Variants in SMOC2 observed in about 807,000 individuals in gnomAD.
SMOC2 encodes SPARC-related modular calcium-binding protein 2.
A neutral mutation model predicts 61.4 loss-of-function variants in SMOC2; 39 were observed. That is an observed-to-expected ratio of 0.64 (90% CI 0.49 to 0.83). SMOC2 has a LOEUF of 0.83. Among genes scored for constraint, SMOC2 ranks in the 40% least tolerant of loss-of-function variants. The pLI, the probability that SMOC2 is intolerant of heterozygous loss-of-function variation, is 0.00. For missense variants in SMOC2, 556 were observed against 592.9 expected, an observed-to-expected ratio of 0.94 and a Z score of 0.65; for synonymous variants, 247 against 239.9, an observed-to-expected ratio of 1.03 and a Z score of -0.27.
intron 1 of SMOC2, among the ~76,000 whole-genome samples, chr6:168,460,740 A>G (rs1168658966): frequency 6.6e-6 from 1 of 152,202 alleles, no homozygotes; most frequent in Admixed American, 6.5e-5. Context: ...CTCTGTATCA[A>G]CCCTCAAAGT....
At chr6:168,603,678 T>C (rs1785613542) in intron 8 of SMOC2, among the ~76,000 whole-genome samples, 1 of 149,630 alleles carries the variant, frequency 6.7e-6, no homozygotes, top group Non-Finnish European at 1.5e-5. Context: ...CAGACATGGG[T>C]AAACATGTGG....
At chr6:168,569,767 G>A (rs1394511839) in intron 7 of SMOC2, among the ~76,000 whole-genome samples, 1 of 152,172 alleles carries the variant, frequency 6.6e-6, no homozygotes, top group Non-Finnish European at 1.5e-5. Flanking sequence ...TTTTTCAGAT[G>A]TGTGTTCTGT....
chr6:168,566,482 T>C (rs1281445237), intron 7 of SMOC2, among the ~76,000 whole-genome samples: 6 of 110,586 alleles, frequency 5.4e-5, no homozygotes, highest in Non-Finnish European at 1.1e-4. Flanking sequence ...AGCACTTCTT[T>C]TTTTTTTTTT....
At chr6:168,624,008 G>A (rs1007338813) in intron 9 of SMOC2, among the ~76,000 whole-genome samples, 1 of 152,190 alleles carries the variant, frequency 6.6e-6, no homozygotes, top group African/African-American at 2.4e-5. Context: ...TGCAGCTCAG[G>A]GGCGCTCACC....
intron 4 of SMOC2, among the ~76,000 whole-genome samples, chr6:168,540,552 G>GGGCACGGAGCTAGGAGGGAGGGCCA (rs373886864): frequency 0.025 from 3,867 of 152,170 alleles, 158 homozygotes; most frequent in African/African-American, 0.088. Context: ...GCCTGGCCAG[G>GGGCACGGAGCTAGGAGGGAGGGCCA]GGCACGGAGC....
intron 11 of SMOC2, among the ~76,000 whole-genome samples, chr6:168,659,614 TAGGCTGAGTGAGGGTGG>T (rs1787433559): frequency 2.0e-5 from 3 of 150,298 alleles, no homozygotes; most frequent in African/African-American, 7.4e-5. Flanking sequence ...GTGGAGGTTG[TAGGCTGAGTGAGGGTGG>T]AGGTTGTAGG....
chr6:168,562,859 C>T (rs770794882), intron 7 of SMOC2, among the ~76,000 whole-genome samples: 8 of 152,152 alleles, frequency 5.3e-5, no homozygotes, highest in South Asian at 2.1e-4. Context: ...CGTATTTTCA[C>T]GGATGACAGT....
intron 11 of SMOC2, among the ~76,000 whole-genome samples, chr6:168,656,431 C>A (rs1805291): frequency 7.1e-6 from 1 of 140,348 alleles, no homozygotes; most frequent in Non-Finnish European, 1.5e-5. Context: ...TTGCTTGAAT[C>A]TGGGAGGCAG....
chr6:168,632,275 A>G (rs1441417917), intron 9 of SMOC2, among the ~76,000 whole-genome samples: 1 of 152,184 alleles, frequency 6.6e-6, no homozygotes, highest in Non-Finnish European at 1.5e-5. Flanking sequence ...CCTTAATTAG[A>G]TCACTTTGGC....
At chr6:168,615,141 CAG>C (rs1185909068) in intron 9 of SMOC2, among the ~76,000 whole-genome samples, 2 of 17,328 alleles carry the variant, frequency 1.2e-4, no homozygotes. Context: ...ACAGCCAGCA[CAG>C]GGGGCCTCTT....
intron 1 of SMOC2, among the ~76,000 whole-genome samples, chr6:168,466,862 G>A (rs189894890): frequency 5.3e-5 from 8 of 152,304 alleles, no homozygotes; most frequent in African/African-American, 1.2e-4. Flanking sequence ...TGAATAGCCC[G>A]GTGGGGCGGT....
chr6:168,509,797 T>G (rs1191381674), intron 1 of SMOC2, 118 bp from the exon 2 acceptor site: 1 of 915,070 alleles, frequency 1.1e-6, no homozygotes, highest in Non-Finnish European at 1.6e-6. Flanking sequence ...AACCGGGTGG[T>G]GTTATCCCTC....
intron 9 of SMOC2, among the ~76,000 whole-genome samples, chr6:168,619,673 C>G (rs569779634): frequency 6.6e-6 from 1 of 152,350 alleles, no homozygotes; most frequent in South Asian, 2.1e-4. Context: ...GCAAGTCTCA[C>G]TTACTTCCCG....
intron 10 of SMOC2, among the ~76,000 whole-genome samples, chr6:168,651,896 T>C (rs73244542): frequency 0.014 from 2,194 of 151,764 alleles, 30 homozygotes; most frequent in Middle Eastern, 0.038. Context: ...CAAAACTTAA[T>C]CCAGCATGGT....
At chr6:168,664,139 C>T (rs749757416) in intron 12 of SMOC2, 28 bp downstream of exon 12, 1 of 1,568,310 alleles carries the variant, frequency 6.4e-7, no homozygotes, top group East Asian at 2.2e-5. Context: ...TTACTCTTAA[C>T]CATTTCGTTT....
chr6:168,637,441 G>A (rs1308610148), intron 9 of SMOC2, among the ~76,000 whole-genome samples: 2 of 152,220 alleles, frequency 1.3e-5, no homozygotes, highest in Non-Finnish European at 2.9e-5. Flanking sequence ...CAAGGAGGTT[G>A]TTTCATTTAA....
chr6:168,518,482 CAT>C (rs902918835), intron 2 of SMOC2, among the ~76,000 whole-genome samples: 94 of 118,682 alleles, frequency 7.9e-4, no homozygotes, highest in African/African-American at 2.4e-3. Flanking sequence ...TGTGAGTGTA[CAT>C]ATGTGAGTGT....
intron 9 of SMOC2, among the ~76,000 whole-genome samples, chr6:168,638,376 A>G (rs7745852): frequency 0.96 from 146,235 of 152,272 alleles, 70,555 homozygotes; most frequent in East Asian, 1. Flanking sequence ...CTTTAAGAGC[A>G]AGTGTCATTA....
chr6:168,477,231 A>G (rs550641328), intron 1 of SMOC2, among the ~76,000 whole-genome samples: 2 of 152,338 alleles, frequency 1.3e-5, no homozygotes, highest in South Asian at 4.1e-4. Flanking sequence ...AGAATTGCTC[A>G]GATAGATATC....
Sources: gnomAD v4.1 joint callset for allele counts (sites outside exome capture counted in the v4.1 genomes callset) on GRCh38, gnomAD v4.1.1 for gene constraint, MANE v1.5 for transcripts, NCBI Gene and HGNC (gene_info 2026-07-23, HGNC 2026-07-21) for gene names.